The following TLE1 variants were observed in gnomAD, a reference collection of about 807,000 sequenced individuals.
TLE1 encodes transducin-like enhancer protein 1.
In TLE1, 21 loss-of-function variants were observed where a neutral mutation model predicts 89.8. The observed-to-expected ratio is 0.23, with a 90% CI of 0.17 to 0.34. The LOEUF (loss-of-function observed/expected upper bound fraction) is 0.34. TLE1 is among the 10% of genes least tolerant of loss of function. TLE1 has a pLI of 1.00. For synonymous variants in TLE1, 447 were observed against 407.6 expected, an observed-to-expected ratio of 1.10 and a Z score of -1.16; for missense variants, 795 against 1,031.2, an observed-to-expected ratio of 0.77 and a Z score of 3.14.
At chr9:81,649,676 T>C (rs900641781) in intron 6 of TLE1, among the ~76,000 whole-genome samples, 2 of 152,168 alleles carry the variant, frequency 1.3e-5, no homozygotes, top group African/African-American at 4.8e-5. Flanking sequence ...TGAACAATAC[T>C]GACAGCTGCT....
chr9:81,666,834 A>G (rs999953491), intron 4 of TLE1, among the ~76,000 whole-genome samples: 1 of 151,484 alleles, frequency 6.6e-6, no homozygotes. Context: ...TGTGTAAATA[A>G]AGACAAAGGC....
At chr9:81,663,599 C>A (rs1831088210) in intron 4 of TLE1, among the ~76,000 whole-genome samples, 1 of 151,308 alleles carries the variant, frequency 6.6e-6, no homozygotes, top group Non-Finnish European at 1.5e-5. Flanking sequence ...GCTACCCTAG[C>A]AGAGGTATCC....
At chr9:81,662,890 C>T (rs1261652028) in intron 4 of TLE1, among the ~76,000 whole-genome samples, 2 of 151,854 alleles carry the variant, frequency 1.3e-5, no homozygotes, top group Non-Finnish European at 2.9e-5. Flanking sequence ...CCCTGTTGCC[C>T]AGGCTGGAGT....
chr9:81,615,554 A>C (rs1436526822), intron 11 of TLE1, among the ~76,000 whole-genome samples: 1 of 150,084 alleles, frequency 6.7e-6, no homozygotes, highest in Non-Finnish European at 1.5e-5. Context: ...CAAAAAAAAA[A>C]AAAAAAAAAT....
chr9:81,635,089 A>C (rs1827201836), intron 6 of TLE1, among the ~76,000 whole-genome samples: 1 of 152,220 alleles, frequency 6.6e-6, no homozygotes, highest in African/African-American at 2.4e-5. Flanking sequence ...AGGGGACTGC[A>C]GTCAGTACAG....
intron 14 of TLE1, among the ~76,000 whole-genome samples, chr9:81,607,855 C>A (rs1048187658): frequency 6.6e-6 from 1 of 152,228 alleles, no homozygotes; most frequent in Non-Finnish European, 1.5e-5. Context: ...TGACTCCCTT[C>A]ATTGGGCACA....
In TLE1 at chr9:81,584,611, C is replaced by A. The variant is rs148517087; in HGVS notation, c.2129-87G>T. On this transcript the variant is annotated intron_variant, in intron 18 of 19. Coordinates refer to ENST00000376499, the MANE Select transcript of TLE1 (RefSeq NM_005077.5). ...AACTTGGACTTAATCAAACTAAGAA[C>A]ATTTTTAATATATGAACTATCATGC... 84 of 1,237,424 alleles carry A rather than the reference C, an allele frequency of 6.8e-5. 1 individual carries two copies. The South Asian group carries it at 1.1e-3, about 16-fold the overall frequency. The allele number at this position is 1,237,424 out of a possible 1,614,324, so 76.7% of individuals were successfully genotyped here.
At position 81,590,851 on chromosome 9, in the gene TLE1, C is replaced by T; in HGVS notation, c.1783G>A (p.Asp595Asn). The T allele has an allele frequency of 6.2e-7, 1 of 1,614,202 alleles. No homozygotes were observed. Among genetic ancestry groups the T allele is most frequent in the Non-Finnish European group, 8.5e-7 (1 of 1,180,040 alleles). Residue 595 changes from aspartate to asparagine, a missense_variant, in exon 16 of 20, where the codon GAC (aspartate) becomes AAC (asparagine). By Grantham distance (23) the Asp-to-Asn change is conservative (BLOSUM62 1). Transcript: ENST00000376499. The stretch of plus-strand genomic sequence containing the variant: ...AGATCCCACACAGCGATGTTGCCGT[C>T]GCTGCAGCATGAGAAGCAGACCTTG... ...DSKVCFSCCS[D>N]GNIAVWDLHN...
In TLE1 at chr9:81,597,713, G is replaced by C. The variant is rs1587898582; in HGVS notation, c.1332-4439C>G. Among the ~76,000 whole-genome samples, 3 of 152,270 alleles carry C rather than the reference G, an allele frequency of 2.0e-5. No homozygotes were observed. The East Asian group carries it at 5.8e-4, about 29-fold the overall frequency. ...TGGTGTCAGAATCGAAAAGAATAAA[G>C]CCCACTCGACTTCACAGATGTAAAA... On this transcript the variant is annotated intron_variant, in intron 14 of 19. Coordinates refer to ENST00000376499, the MANE Select transcript of TLE1 (RefSeq NM_005077.5).
chr9:81,614,641 G>A (rs775886203), intron 11 of TLE1, among the ~76,000 whole-genome samples: 4 of 152,096 alleles, frequency 2.6e-5, no homozygotes, highest in African/African-American at 9.7e-5. Context: ...AATGCCTACC[G>A]GGACCAGGTA....
chr9:81,587,291 T>C (rs1564102698), intron 17 of TLE1, among the ~76,000 whole-genome samples: 3 of 152,200 alleles, frequency 2.0e-5, no homozygotes, highest in Non-Finnish European at 4.4e-5. Context: ...TTCTGCAGAT[T>C]TCTCAAGTTC....
chr9:81,592,332 T>C (rs1336266488), intron 15 of TLE1, among the ~76,000 whole-genome samples: 1 of 152,208 alleles, frequency 6.6e-6, no homozygotes, highest in Non-Finnish European at 1.5e-5. Flanking sequence ...CACTCCAGCC[T>C]GGGCGACAGA....
At chr9:81,601,534 A>AAT (rs1426046261) in intron 14 of TLE1, among the ~76,000 whole-genome samples, 1 of 152,012 alleles carries the variant, frequency 6.6e-6, no homozygotes, top group Admixed American at 6.6e-5. Context: ...TCTAGGTGCT[A>AAT]ATATATAAGG....
At chr9:81,637,002 CAAAAAAA>C (rs370837419) in intron 6 of TLE1, among the ~76,000 whole-genome samples, 3 of 78,840 alleles carry the variant, frequency 3.8e-5, no homozygotes, top group Non-Finnish European at 5.3e-5. Flanking sequence ...GACTCCGTCT[CAAAAAAA>C]AAAAAAAGAA....
chr9:81,627,016 T>TTTGCTCTCCA (rs1445879165), intron 8 of TLE1, among the ~76,000 whole-genome samples: 1 of 152,206 alleles, frequency 6.6e-6, no homozygotes, highest in Non-Finnish European at 1.5e-5. Context: ...GCTGTTTCTG[T>TTTGCTCTCCA]GCCTCTTTGC....
intron 6 of TLE1, among the ~76,000 whole-genome samples, chr9:81,635,492 C>T (rs1380709245): frequency 1.3e-5 from 2 of 152,088 alleles, no homozygotes; most frequent in Non-Finnish European, 2.9e-5. Flanking sequence ...AAAAAGTATC[C>T]AAGAAATGGC....
At chr9:81,632,691 T>C (rs893514402) in intron 8 of TLE1, among the ~76,000 whole-genome samples, 18 of 152,194 alleles carry the variant, frequency 1.2e-4, no homozygotes, top group African/African-American at 4.3e-4. Flanking sequence ...AAAATGAGTG[T>C]GACTTAGGCT....
intron 8 of TLE1, among the ~76,000 whole-genome samples, chr9:81,623,629 A>G: frequency 6.7e-6 from 1 of 149,918 alleles, no homozygotes; most frequent in East Asian, 2.0e-4. Context: ...AAAAAAAAAA[A>G]AAAAAAAAAA....
chr9:81,667,256 G>A (rs891506360), intron 4 of TLE1, among the ~76,000 whole-genome samples: 1 of 152,072 alleles, frequency 6.6e-6, no homozygotes, highest in African/African-American at 2.4e-5. Flanking sequence ...AATTAGCTGG[G>A]TGTAGTGGTG....
Sources: allele counts gnomAD v4.1 joint callset (sites outside exome capture counted in the v4.1 genomes callset), GRCh38; gene constraint gnomAD v4.1.1; transcripts MANE v1.5; gene names NCBI Gene and HGNC (gene_info 2026-07-23, HGNC 2026-07-21).